SEZ6L: variants seen among roughly 807,000 people sequenced by gnomAD.
SEZ6L encodes the protein seizure related 6 homolog like.
A neutral mutation model predicts 106.2 loss-of-function variants in SEZ6L; 37 were observed. That is an observed-to-expected ratio of 0.35 (90% CI 0.27 to 0.46). The LOEUF (loss-of-function observed/expected upper bound fraction) is 0.46, where lower values mean the gene tolerates loss of function less well. Among genes scored for constraint, SEZ6L ranks in the 20% least tolerant of loss-of-function variants. SEZ6L has a pLI of 1.00. For missense variants in SEZ6L, 1,172 were observed against 1,332.8 expected, an observed-to-expected ratio of 0.88 and a Z score of 1.88; for synonymous variants, 541 against 570.4, an observed-to-expected ratio of 0.95 and a Z score of 0.73.
intron 13 of SEZ6L, among the ~76,000 whole-genome samples, chr22:26,371,735 T>C (rs1048204688): frequency 9.2e-5 from 14 of 151,802 alleles, no homozygotes; most frequent in African/African-American, 3.4e-4. Flanking sequence ...ACCTCTCTTT[T>C]CTATGGGCTA....
rs149259552 is a variant in SEZ6L at position 26,301,357 on chromosome 22, C to A, written c.1348+2188C>A. ...ATTCGACAAACATCCGCCGAGCGCC[C>A]ACTGTGTGGTAGGCATTGCACCTGT... On this transcript the variant is annotated intron_variant, in intron 5 of 16. Coordinates refer to ENST00000248933, the MANE Select transcript of SEZ6L (RefSeq NM_021115.5). 2.5e-3 allele frequency among the ~76,000 whole-genome samples: 378 copies of A among 152,348 alleles called. 8 individuals carry two copies. The East Asian group carries it at 0.059, about 24-fold the overall frequency.
rs5752302 is a variant in SEZ6L, at chr22:26,271,580, C to G, written c.95-20826C>G. Among the ~76,000 whole-genome samples the G allele has an allele frequency of 3.3e-5, 5 of 152,294 alleles. No individual in the cohort carries two copies. The East Asian group carries it at 9.7e-4, about 29-fold the overall frequency. On this transcript the variant is annotated intron_variant, in intron 1 of 16. Coordinates refer to ENST00000248933, the MANE Select transcript of SEZ6L (RefSeq NM_021115.5). ...TCCCTTGGTGATGAATGAGTTCTCA[C>G]TCAGTCAGTTCCTGTGAGATCTGGT...
chr22:26,289,563 C>T (rs1418467287), intron 1 of SEZ6L, among the ~76,000 whole-genome samples: 1 of 152,210 alleles, frequency 6.6e-6, no homozygotes, highest in Non-Finnish European at 1.5e-5. Context: ...CCTGAATGAC[C>T]TTGACCTGCC....
Position 26,311,895 on chromosome 22 carries a change from C to A in SEZ6L, c.1809C>A (p.Gly603=). ...TCDPGHSLEQ[G]PAIIECINVR... The stretch of plus-strand genomic sequence containing the variant: ...ACCCCGGCCACTCCCTGGAGCAGGG[C>A]CCGGCCATCATCGAATGCATCAATG... Residue 603 remains glycine (G), a synonymous_variant, in exon 8 of 17, where the codon GGC becomes GGA. Transcript: ENST00000248933. 4.3e-6 allele frequency: 7 copies of A among 1,614,186 alleles called. No individual in the cohort carries two copies. Among genetic ancestry groups the A allele is most frequent in the Non-Finnish European group, 5.1e-6 (6 of 1,180,040 alleles).
At chr22:26,272,987 A>T (rs1303361090) in intron 1 of SEZ6L, among the ~76,000 whole-genome samples, 1 of 152,232 alleles carries the variant, frequency 6.6e-6, no homozygotes, top group Admixed American at 6.5e-5. Context: ...ATTAAATGAG[A>T]CAATGCATGT....
chr22:26,273,765 G>A (rs1046679172), intron 1 of SEZ6L, among the ~76,000 whole-genome samples: 1 of 152,206 alleles, frequency 6.6e-6, no homozygotes, highest in Non-Finnish European at 1.5e-5. Context: ...AGGATGACTG[G>A]GAGCTGGGCT....
At chr22:26,268,841 C>A (rs981670000) in intron 1 of SEZ6L, among the ~76,000 whole-genome samples, 2 of 152,126 alleles carry the variant, frequency 1.3e-5, no homozygotes, top group Admixed American at 6.5e-5. Flanking sequence ...GAACCAGTGG[C>A]CTATGGAAAA....
intron 16 of SEZ6L, among the ~76,000 whole-genome samples, chr22:26,378,146 G>C (rs1303519665): frequency 6.6e-6 from 1 of 152,138 alleles, no homozygotes; most frequent in African/African-American, 2.4e-5. Context: ...ACACATTTGA[G>C]TATCAGGTCC....
chr22:26,275,181 G>A (rs115575713), intron 1 of SEZ6L, among the ~76,000 whole-genome samples: 400 of 152,292 alleles, frequency 2.6e-3, no homozygotes, highest in African/African-American at 8.9e-3. Flanking sequence ...CCCAACTTAC[G>A]ATGGTTTGAC....
chr22:26,292,145 A>AAGGAAGGAAGG (rs1556313082), intron 1 of SEZ6L: 17 of 386,320 alleles, frequency 4.4e-5, no homozygotes, highest in Non-Finnish European at 6.4e-5. Flanking sequence ...AGAAAGAAAG[A>AAGGAAGGAAGG]AAGGAAGGAA....
At chr22:26,285,995 C>T (rs762977595) in intron 1 of SEZ6L, among the ~76,000 whole-genome samples, 27 of 152,138 alleles carry the variant, frequency 1.8e-4, no homozygotes, top group Non-Finnish European at 2.6e-4. Flanking sequence ...TCAGTTTTGT[C>T]CCCAGTGGGG....
At position 26,347,651 on chromosome 22, in the gene SEZ6L, C is replaced by T. The variant is rs550783208; in HGVS notation, c.2213-68C>T. The T allele has an allele frequency of 3.1e-4, 420 of 1,349,996 alleles. No individual in the cohort carries two copies. In the African/African-American group the frequency reaches 5.6e-3, roughly 18 times the overall value. The allele number at this position is 1,349,996 out of a possible 1,614,324, so 83.6% of individuals were successfully genotyped here. A position where few individuals can be genotyped will look rare whatever the true frequency, so the allele number is the denominator to read the frequency against. On this transcript the variant is annotated intron_variant, in intron 10 of 16. Transcript: ENST00000248933. ...TTTTCTCTTCGCTCATCCCTCTAGC[C>T]GTCATAAAAGGAGGCCCCGACAACA...
intron 9 of SEZ6L, among the ~76,000 whole-genome samples, chr22:26,339,847 T>C (rs17306064): frequency 0.21 from 31,685 of 152,212 alleles, 3,921 homozygotes; most frequent in South Asian, 0.31. Flanking sequence ...TTGCCAATAA[T>C]GGGAGTTTTG....
At chr22:26,337,278 T>G (rs3788390) in intron 9 of SEZ6L, among the ~76,000 whole-genome samples, 15,441 of 152,262 alleles carry the variant, frequency 0.1, 1,096 homozygotes, top group Admixed American at 0.24. Flanking sequence ...AACAAAGAGT[T>G]GCCGTATGGT....
chr22:26,198,695 A>G (rs1940742223), intron 1 of SEZ6L, among the ~76,000 whole-genome samples: 1 of 152,194 alleles, frequency 6.6e-6, no homozygotes, highest in South Asian at 2.1e-4. Context: ...ATAGCAATAG[A>G]CAGAATGGCC....
chr22:26,353,378 C>A (rs1356590541), intron 12 of SEZ6L, among the ~76,000 whole-genome samples: 1 of 152,136 alleles, frequency 6.6e-6, no homozygotes, highest in African/African-American at 2.4e-5. Flanking sequence ...TGCATATACA[C>A]ATATACTAAG....
At chr22:26,278,804 G>A (rs1190086892) in intron 1 of SEZ6L, among the ~76,000 whole-genome samples, 2 of 147,416 alleles carry the variant, frequency 1.4e-5, no homozygotes, top group Non-Finnish European at 3.0e-5. Flanking sequence ...GAGGGAGGAA[G>A]GAAGGAATGA....
chr22:26,314,699 C>T (rs1412527995), intron 9 of SEZ6L, among the ~76,000 whole-genome samples: 1 of 152,234 alleles, frequency 6.6e-6, no homozygotes, highest in South Asian at 2.1e-4. Flanking sequence ...ATGTTCCCCG[C>T]TAGCTCCCCA....
intron 13 of SEZ6L, among the ~76,000 whole-genome samples, chr22:26,369,061 G>T (rs1489619368): frequency 6.6e-6 from 1 of 152,120 alleles, no homozygotes; most frequent in Non-Finnish European, 1.5e-5. Flanking sequence ...TGAGAGGCGG[G>T]CCTGGAATAA....
Sources: allele counts gnomAD v4.1 joint callset (sites outside exome capture counted in the v4.1 genomes callset), GRCh38; gene constraint gnomAD v4.1.1; transcripts MANE v1.5; gene names NCBI Gene and HGNC (gene_info 2026-07-23, HGNC 2026-07-21).